PACSIN2: variants seen among roughly 807,000 people sequenced by gnomAD.
The protein encoded by PACSIN2 is protein kinase C and casein kinase substrate in neurons protein 2.
PACSIN2 carries 25 observed loss-of-function variants against 63.8 expected under a neutral mutation model. That is an observed-to-expected ratio of 0.39 (90% CI 0.29 to 0.55). PACSIN2 has a LOEUF of 0.55. Ranked by LOEUF, PACSIN2 falls within the 20% of genes least tolerant of loss-of-function variation. The pLI is 0.62. For synonymous variants in PACSIN2, 255 were observed against 256.2 expected (o/e 1.00, Z 0.05); for missense variants, 518 against 646.9 (o/e 0.80, Z 2.16).
At chr22:43,010,481 G>A (rs920269338) in intron 1 of PACSIN2, among the ~76,000 whole-genome samples, 7 of 151,480 alleles carry the variant, frequency 4.6e-5, no homozygotes, top group East Asian at 1.9e-4. Context: ...AGGCAGAGGC[G>A]GGCAGATCAC....
chr22:42,893,049 C>T (rs564486991), intron 3 of PACSIN2, among the ~76,000 whole-genome samples: 1 of 152,330 alleles, frequency 6.6e-6, no homozygotes, highest in East Asian at 1.9e-4. Flanking sequence ...AGAAAGACTG[C>T]CAGGTGTTGC....
chr22:43,012,511 C>CACTCTG (rs959891040), intron 1 of PACSIN2, among the ~76,000 whole-genome samples: 2 of 152,054 alleles, frequency 1.3e-5, no homozygotes, highest in Non-Finnish European at 2.9e-5. Flanking sequence ...AACAGAGTCT[C>CACTCTG]ACTCTGTCAC....
intron 1 of PACSIN2, among the ~76,000 whole-genome samples, chr22:42,991,258 C>G (rs777077122): frequency 1.3e-4 from 20 of 152,136 alleles, no homozygotes; most frequent in Admixed American, 4.6e-4. Flanking sequence ...CCACCCCCAT[C>G]CACCCCAGTC....
intron 2 of PACSIN2, among the ~76,000 whole-genome samples, chr22:42,905,887 C>T (rs529537834): frequency 6.6e-6 from 1 of 152,344 alleles, no homozygotes; most frequent in East Asian, 1.9e-4. Context: ...TCTGCAGCTG[C>T]TGGAACACAG....
At chr22:42,960,667 G>A (rs182817801) in intron 1 of PACSIN2, among the ~76,000 whole-genome samples, 14 of 152,050 alleles carry the variant, frequency 9.2e-5, no homozygotes, top group Admixed American at 3.3e-4. Flanking sequence ...AAGAAAAGGC[G>A]TAACTAATCT....
At chr22:42,989,634 A>T (rs546923289) in intron 1 of PACSIN2, among the ~76,000 whole-genome samples, 1 of 151,482 alleles carries the variant, frequency 6.6e-6, no homozygotes, top group South Asian at 2.1e-4. Context: ...GTCTCTACTA[A>T]AAATACAAAA....
intron 1 of PACSIN2, among the ~76,000 whole-genome samples, chr22:42,917,932 T>C (rs553486033): frequency 6.6e-6 from 1 of 152,182 alleles, no homozygotes; most frequent in Non-Finnish European, 1.5e-5. Flanking sequence ...CTATGCTCTA[T>C]CTTTTTATGC....
At chr22:42,978,496 A>C (rs1291833015) in intron 1 of PACSIN2, among the ~76,000 whole-genome samples, 5 of 152,208 alleles carry the variant, frequency 3.3e-5, no homozygotes, top group Non-Finnish European at 1.5e-5. Context: ...GTCCACCCTC[A>C]TCCTGCTGAA....
At chr22:42,973,181 A>G (rs1446424593) in intron 1 of PACSIN2, among the ~76,000 whole-genome samples, 1 of 152,248 alleles carries the variant, frequency 6.6e-6, no homozygotes, top group Non-Finnish European at 1.5e-5. Context: ...ACTGAAAGAT[A>G]AGGAGAGAAA....
At chr22:42,918,805 G>A (rs912413220) in intron 1 of PACSIN2, among the ~76,000 whole-genome samples, 1 of 152,206 alleles carries the variant, frequency 6.6e-6, no homozygotes, top group Non-Finnish European at 1.5e-5. Flanking sequence ...CCCCAAAGGC[G>A]CTGGGCCTGT....
chr22:42,882,352 C>G (rs1569215171), intron 6 of PACSIN2, 48 bp from the exon 7 acceptor site: 1 of 1,569,968 alleles, frequency 6.4e-7, no homozygotes, highest in Admixed American at 1.8e-5. Context: ...GGGCCAGCTA[C>G]CCTTTGTCCC....
chr22:42,948,512 T>A (rs977311828), intron 1 of PACSIN2, among the ~76,000 whole-genome samples: 2 of 152,122 alleles, frequency 1.3e-5, no homozygotes, highest in African/African-American at 4.8e-5. Context: ...CACATGACTA[T>A]CTATAGTCCC....
intron 1 of PACSIN2, among the ~76,000 whole-genome samples, chr22:42,951,318 C>T (rs1046457882): frequency 1.3e-5 from 2 of 152,094 alleles, no homozygotes; most frequent in Admixed American, 1.3e-4. Flanking sequence ...CCAATTGGTG[C>T]CCTTATCACC....
intron 3 of PACSIN2, among the ~76,000 whole-genome samples, chr22:42,891,447 C>A (rs1386606619): frequency 6.6e-6 from 1 of 152,166 alleles, no homozygotes; most frequent in African/African-American, 2.4e-5. Flanking sequence ...ATTGTCCCGG[C>A]TGGAGTGCAG....
chr22:42,979,726 T>C (rs1601598719), intron 1 of PACSIN2, among the ~76,000 whole-genome samples: 1 of 152,284 alleles, frequency 6.6e-6, no homozygotes, highest in East Asian at 1.9e-4. Context: ...TGGGTTATAG[T>C]TATTTAAACA....
chr22:42,949,295 T>C (rs1230974917), intron 1 of PACSIN2, among the ~76,000 whole-genome samples: 1 of 152,198 alleles, frequency 6.6e-6, no homozygotes, highest in East Asian at 1.9e-4. Context: ...CCCAGCCTTC[T>C]TGCTCCTAGT....
chr22:42,968,152 T>G (rs1920995772), intron 1 of PACSIN2, among the ~76,000 whole-genome samples: 1 of 152,172 alleles, frequency 6.6e-6, no homozygotes, highest in Non-Finnish European at 1.5e-5. Flanking sequence ...CGGCCGAGTG[T>G]GTCCTGGACC....
intron 1 of PACSIN2, among the ~76,000 whole-genome samples, chr22:42,922,326 C>T (rs910433133): frequency 1.3e-5 from 2 of 152,224 alleles, no homozygotes; most frequent in African/African-American, 2.4e-5. Context: ...TCCCCCTTAA[C>T]ACCCTTAATT....
At chr22:42,894,432 A>G (rs554358133) in intron 2 of PACSIN2, among the ~76,000 whole-genome samples, 11 of 152,270 alleles carry the variant, frequency 7.2e-5, no homozygotes, top group African/African-American at 2.6e-4. Flanking sequence ...TAGTGGAGAC[A>G]GGGTTTCACC....
Sources: allele counts gnomAD v4.1 joint callset (sites outside exome capture counted in the v4.1 genomes callset), GRCh38; gene constraint gnomAD v4.1.1; transcripts MANE v1.5; gene names NCBI Gene and HGNC (gene_info 2026-07-23, HGNC 2026-07-21).